Variants in PGPEP1 observed in about 807,000 individuals in gnomAD.
PGPEP1 encodes the protein pyroglutamyl-peptidase I, also known as pyroglutamyl-peptidase 1.
Under a neutral mutation model 24.1 loss-of-function variants are expected in PGPEP1, and 15 were observed. The observed-to-expected ratio is 0.62, with a 90% CI of 0.42 to 0.96. The LOEUF (loss-of-function observed/expected upper bound fraction) is 0.96. Among genes scored for constraint, PGPEP1 ranks in the 40% least tolerant of loss-of-function variants. The pLI is 0.00. For synonymous variants in PGPEP1, 122 were observed against 116.4 expected (o/e 1.05, Z -0.31); for missense variants, 242 against 273.4 (o/e 0.89, Z 0.81).
At position 18,369,888 on chromosome 19, in the gene PGPEP1, C is replaced by T. The variant is rs1971658295; in HGVS notation, c.*6305C>T. The T allele has an allele frequency of 6.6e-6, 1 of 152,064 alleles. No homozygotes were observed. The highest frequency in any genetic ancestry group is 2.1e-4 in the South Asian group (1 of 4,820). 9.4% of individuals were successfully genotyped at this position (152,064 alleles called of 1,614,324 possible). A position where few individuals can be genotyped will look rare whatever the true frequency, so the allele number is the denominator to read the frequency against. ...AGGATATGCCGGATTCTGCCTGGGGCTGGGCTCTAGGAGACCCCAAATTTG... is the reference window on the plus strand; with the variant it reads ...AGGATATGCCGGATTCTGCCTGGGGTTGGGCTCTAGGAGACCCCAAATTTG... On this transcript the variant is annotated 3_prime_UTR_variant, in exon 5 of 5. Coordinates refer to ENST00000269919, the MANE Select transcript of PGPEP1 (RefSeq NM_017712.4).
chr19:18,354,706 C>T (rs571738160), intron 2 of PGPEP1, among the ~76,000 whole-genome samples: 77 of 152,084 alleles, frequency 5.1e-4, no homozygotes, highest in South Asian at 1.0e-3. Context: ...TTTGTAGAGG[C>T]CAGGTCTCAC....
rs891732311 is a variant in PGPEP1 at position 18,366,686 on chromosome 19, G to A, written c.*3103G>A. On this transcript the variant is annotated 3_prime_UTR_variant, in exon 5 of 5. Coordinates refer to ENST00000269919, the MANE Select transcript of PGPEP1 (RefSeq NM_017712.4). ...CAGCTTCACCATGTTGGCCAGGCTG[G>A]TCTTGAAATCCTGACCTCAGGTGAT... 6.6e-6 allele frequency: 1 copy of A among 151,994 alleles called. No individual in the cohort carries two copies. The highest frequency in any genetic ancestry group is 1.5e-5 in the Non-Finnish European group (1 of 68,010). The allele number at this position is 151,994 out of a possible 1,614,324, so 9.4% of individuals were successfully genotyped here.
chr19:18,365,180 C>A lies in PGPEP1; in HGVS notation c.*1597C>A, dbSNP rs1971503122. The stretch of plus-strand genomic sequence containing the variant: ...TGTAAGTTCAGCCACATCTTGCTGC[C>A]CATTAGGGAGAGAGGACGACCCCCA... On this transcript the variant is annotated 3_prime_UTR_variant, in exon 5 of 5. Transcript: ENST00000269919. 1 of 151,980 alleles carries A rather than the reference C, an allele frequency of 6.6e-6. No homozygotes were observed. The highest frequency in any genetic ancestry group is 6.6e-5 in the Admixed American group (1 of 15,242). 9.4% of individuals were successfully genotyped at this position (151,980 alleles called of 1,614,324 possible).
At position 18,355,930 on chromosome 19, in the gene PGPEP1, C is replaced by A; in HGVS notation, c.123C>A (p.Asp41Glu). The A allele has an allele frequency of 7.4e-6, 12 of 1,613,472 alleles. No individual in the cohort carries two copies. Among genetic ancestry groups the A allele is most frequent in the Non-Finnish European group, 1.0e-5 (12 of 1,179,496 alleles). ...AGCTAGGCCTTGGCGACAGCGTGGACCTGCATGTGTACGAGATTCCGGTTG... is the reference window on the plus strand; with the variant it reads ...AGCTAGGCCTTGGCGACAGCGTGGAACTGCATGTGTACGAGATTCCGGTTG... ...LEKLGLGDSV[D>E]LHVYEIPVEY... Residue 41 changes from aspartate to glutamate, a missense_variant, in exon 3 of 5, where the codon GAC becomes GAA. Asp to Glu is a conservative substitution (Grantham distance 45). Transcript: ENST00000269919.
intron 3 of PGPEP1, among the ~76,000 whole-genome samples, chr19:18,356,505 G>A (rs1332019000): frequency 6.6e-6 from 1 of 151,972 alleles, no homozygotes; most frequent in African/African-American, 2.4e-5. Context: ...CCAGCACTTT[G>A]GAAGGCCGAG....
At chr19:18,362,726 CAAAA>C (rs71166506) in intron 4 of PGPEP1, among the ~76,000 whole-genome samples, 2 of 85,866 alleles carry the variant, frequency 2.3e-5, no homozygotes, top group African/African-American at 5.2e-5. Flanking sequence ...GACTCTGTCT[CAAAA>C]AAAAAAAAAA....
intron 2 of PGPEP1, among the ~76,000 whole-genome samples, chr19:18,343,633 C>T (rs1171351056): frequency 2.7e-5 from 4 of 150,240 alleles, no homozygotes; most frequent in East Asian, 2.0e-4. Context: ...TTATGTGGTG[C>T]TGGCGTCTAC....
intron 2 of PGPEP1, among the ~76,000 whole-genome samples, chr19:18,343,679 CTTTTTTTTTTTT>C (rs3078437): frequency 8.7e-6 from 1 of 115,100 alleles, no homozygotes; most frequent in African/African-American, 3.5e-5. Flanking sequence ...GGATCTCCCT[CTTTTTTTTTTTT>C]TTTTTTTTTT....
intron 1 of PGPEP1, 125 bp downstream of exon 1, chr19:18,340,840 C>T (rs1257796071): frequency 4.4e-6 from 3 of 681,048 alleles, no homozygotes; most frequent in Non-Finnish European, 6.4e-6. Context: ...TGTCATCACC[C>T]GCGGGAGCCC....
chr19:18,343,006 T>C, intron 2 of PGPEP1, 95 bp downstream of exon 2: 1 of 892,080 alleles, frequency 1.1e-6, no homozygotes, highest in South Asian at 1.5e-5. Context: ...ACAAAAACTT[T>C]TTTTTTTTTT....
intron 2 of PGPEP1, among the ~76,000 whole-genome samples, chr19:18,352,284 A>AAAAAAAAAAAC (rs1971054226): frequency 6.7e-6 from 1 of 149,176 alleles, no homozygotes; most frequent in Non-Finnish European, 1.5e-5. Context: ...AAAAAAAAAA[A>AAAAAAAAAAAC]AAATTAGTTG....
At chr19:18,352,439 A>AAAAG (rs537207490) in intron 2 of PGPEP1, among the ~76,000 whole-genome samples, 2 of 151,796 alleles carry the variant, frequency 1.3e-5, no homozygotes, top group Admixed American at 6.6e-5. Flanking sequence ...TCAAAAAAAA[A>AAAAG]AAAGAAAGAA....
chr19:18,344,236 C>T (rs1301066790), intron 2 of PGPEP1, among the ~76,000 whole-genome samples: 1 of 151,890 alleles, frequency 6.6e-6, no homozygotes, highest in African/African-American at 2.4e-5. Context: ...TATTAGGGGC[C>T]GAGGGGGGCT....
At chr19:18,345,741 A>AG (rs1313312738) in intron 2 of PGPEP1, among the ~76,000 whole-genome samples, 29 of 151,108 alleles carry the variant, frequency 1.9e-4, no homozygotes, top group Middle Eastern at 3.4e-3. Flanking sequence ...AAAAAAAAAA[A>AG]AAAAGAAAAG....
At chr19:18,347,504 G>A (rs181628765) in intron 2 of PGPEP1, among the ~76,000 whole-genome samples, 27 of 150,502 alleles carry the variant, frequency 1.8e-4, no homozygotes, top group African/African-American at 6.3e-4. Flanking sequence ...GTTAATCTCC[G>A]TGTGTCTCAG....
At position 18,365,294 on chromosome 19, in the gene PGPEP1, T is replaced by C. The variant is rs1971507857; in HGVS notation, c.*1711T>C. ...TGTGGCTATACTGCTTCCCTGAGTG[T>C]GACACAGTTGGAATCTAATCTTGTT... On this transcript the variant is annotated 3_prime_UTR_variant, in exon 5 of 5. Transcript: ENST00000269919. 6.6e-6 allele frequency: 1 copy of C among 152,226 alleles called. No individual in the cohort carries two copies. Among genetic ancestry groups the C allele is most frequent in the African/African-American group, 2.4e-5 (1 of 41,450 alleles). 9.4% of individuals were successfully genotyped at this position (152,226 alleles called of 1,614,324 possible). A position where few individuals can be genotyped will look rare whatever the true frequency, so the allele number is the denominator to read the frequency against.
rs1000080992 is a variant in PGPEP1, at chr19:18,366,474, T to C, written c.*2891T>C. 1.3e-5 allele frequency: 2 copies of C among 152,120 alleles called. No homozygotes were observed. The highest frequency in any genetic ancestry group is 6.6e-5 in the Admixed American group (1 of 15,252). 9.4% of individuals were successfully genotyped at this position (152,120 alleles called of 1,614,324 possible). ...ATTTTATTTTTCTCATTGTTATTTT[T>C]TATTTTTATTTTTTGAGATGGATTC... On this transcript the variant is annotated 3_prime_UTR_variant, in exon 5 of 5. Transcript: ENST00000269919.
intron 2 of PGPEP1, among the ~76,000 whole-genome samples, chr19:18,355,268 CT>C (rs377443163): frequency 6.9e-5 from 10 of 145,486 alleles, no homozygotes; most frequent in African/African-American, 1.5e-4. Flanking sequence ...CGCACCTGGC[CT>C]TTTTTTTTGA....
intron 2 of PGPEP1, among the ~76,000 whole-genome samples, chr19:18,349,971 G>T (rs990139672): frequency 6.6e-6 from 1 of 151,888 alleles, no homozygotes; most frequent in African/African-American, 2.4e-5. Flanking sequence ...CAAGTGGTCC[G>T]CCCCAGTAGC....
Sources: gnomAD v4.1 joint callset for allele counts (sites outside exome capture counted in the v4.1 genomes callset) on GRCh38, gnomAD v4.1.1 for gene constraint, MANE v1.5 for transcripts, NCBI Gene and HGNC (gene_info 2026-07-23, HGNC 2026-07-21) for gene names.